Variants in GRIK1 observed in about 807,000 individuals in gnomAD.
GRIK1 encodes glutamate ionotropic receptor kainate type subunit 1.
GRIK1 carries 69 observed loss-of-function variants against 105.7 expected under a neutral mutation model. That is an observed-to-expected ratio of 0.65 (90% CI 0.54 to 0.80). The LOEUF is 0.80. Ranked by LOEUF, GRIK1 falls within the 30% of genes least tolerant of loss-of-function variation. GRIK1 has a pLI of 0.00. For synonymous variants in GRIK1, 438 were observed against 431.3 expected, an observed-to-expected ratio of 1.02 and a Z score of -0.19; for missense variants, 1,109 against 1,167.3, an observed-to-expected ratio of 0.95 and a Z score of 0.73.
chr21:29,832,198 C>T (rs978389821), intron 1 of GRIK1, among the ~76,000 whole-genome samples: 3 of 152,170 alleles, frequency 2.0e-5, no homozygotes, highest in African/African-American at 4.8e-5. Context: ...TATGGATCTG[C>T]AGGGTGCATC....
At position 29,629,476 on chromosome 21, in the gene GRIK1, T is replaced by C. The variant is rs2062212631; in HGVS notation, c.1098+13350A>G. Among the ~76,000 whole-genome samples, 5 of 151,732 alleles carry C rather than the reference T, an allele frequency of 3.3e-5. No individual in the cohort carries two copies. In the South Asian group the frequency reaches 1.0e-3, roughly 32 times the overall value. On this transcript the variant is annotated intron_variant, in intron 7 of 17. Transcript: ENST00000327783. ...GGAAATTGAAGGTGTTCACACCTAC[T>C]AAGTTCAATTTTCTTTCTTTCTTTT...
chr21:29,560,586 T>TTCTTTCTTTCTTTCTTTCTTTCTC (rs1568816039), intron 15 of GRIK1, among the ~76,000 whole-genome samples: 1 of 123,726 alleles, frequency 8.1e-6, no homozygotes, highest in Non-Finnish European at 1.7e-5. Context: ...CTCTCTTTCT[T>TTCTTTCTTTCTTTCTTTCTTTCTC]TCTTTCTCTC....
At chr21:29,659,033 G>A (rs995495722) in intron 4 of GRIK1, among the ~76,000 whole-genome samples, 1 of 152,096 alleles carries the variant, frequency 6.6e-6, no homozygotes, top group Non-Finnish European at 1.5e-5. Context: ...AAAATTACGG[G>A]TCTTCCATTG....
chr21:29,811,295 T>C (rs1414638503), intron 1 of GRIK1, among the ~76,000 whole-genome samples: 1 of 152,132 alleles, frequency 6.6e-6, no homozygotes, highest in African/African-American at 2.4e-5. Flanking sequence ...AAAGTTTAAA[T>C]TATATTTTCA....
At chr21:29,826,277 G>A (rs147775849) in intron 1 of GRIK1, among the ~76,000 whole-genome samples, 14 of 152,160 alleles carry the variant, frequency 9.2e-5, no homozygotes, top group African/African-American at 2.6e-4. Flanking sequence ...TCTCTCAATT[G>A]GCTCAGATCT....
chr21:29,863,079 T>C (rs2068696011), intron 1 of GRIK1, among the ~76,000 whole-genome samples: 1 of 152,252 alleles, frequency 6.6e-6, no homozygotes, highest in South Asian at 2.1e-4. Context: ...TGTGAATCCA[T>C]GTACTCAAAT....
intron 1 of GRIK1, chr21:29,764,074 A>T (rs994164139): frequency 7.2e-5 from 11 of 152,138 alleles, no homozygotes; most frequent in Non-Finnish European, 1.5e-5. Context: ...TGGAGGGAGG[A>T]TAGAATGGGG....
intron 1 of GRIK1, among the ~76,000 whole-genome samples, chr21:29,814,235 G>T (rs1488205956): frequency 1.3e-5 from 2 of 151,624 alleles, no homozygotes; most frequent in African/African-American, 4.8e-5. Context: ...ACAGCCGTGA[G>T]TCACCGTGCC....
intron 14 of GRIK1, 142 bp downstream of exon 14, chr21:29,576,822 T>C (rs1342125847): frequency 4.9e-6 from 3 of 609,340 alleles, no homozygotes; most frequent in African/African-American, 1.8e-5. Context: ...AATGGGATTA[T>C]GTAATTATAA....
At chr21:29,622,120 T>C (rs953315643) in intron 7 of GRIK1, among the ~76,000 whole-genome samples, 1 of 152,056 alleles carries the variant, frequency 6.6e-6, no homozygotes, top group East Asian at 1.9e-4. Flanking sequence ...CTAATTTTTG[T>C]ATTTTTAGTA....
intron 1 of GRIK1, among the ~76,000 whole-genome samples, chr21:29,723,609 A>C (rs1362173855): frequency 6.6e-6 from 1 of 152,240 alleles, no homozygotes; most frequent in Non-Finnish European, 1.5e-5. Flanking sequence ...GTTGATTCAT[A>C]TCAGAGATAT....
intron 1 of GRIK1, among the ~76,000 whole-genome samples, chr21:29,920,260 T>A (rs967185858): frequency 2.0e-5 from 3 of 152,066 alleles, no homozygotes; most frequent in Admixed American, 6.6e-5. Context: ...ACTTGAGGAA[T>A]AGTTTCATTT....
chr21:29,742,306 T>C (rs1392393592), intron 1 of GRIK1, among the ~76,000 whole-genome samples: 1 of 152,150 alleles, frequency 6.6e-6, no homozygotes, highest in Admixed American at 6.5e-5. Flanking sequence ...TTATTAGAAA[T>C]ACATTAAATG....
intron 7 of GRIK1, among the ~76,000 whole-genome samples, chr21:29,629,565 C>T (rs903474037): frequency 1.8e-4 from 28 of 151,782 alleles, no homozygotes; most frequent in Middle Eastern, 3.4e-3. Context: ...TCTCAGCTCA[C>T]TGCAAACTCC....
intron 7 of GRIK1, among the ~76,000 whole-genome samples, chr21:29,617,935 T>A (rs902347696): frequency 3.3e-5 from 5 of 152,218 alleles, no homozygotes; most frequent in Non-Finnish European, 7.3e-5. Flanking sequence ...CATTTGCATA[T>A]CCTTTCCATT....
At chr21:29,855,290 G>T (rs2068430303) in intron 1 of GRIK1, among the ~76,000 whole-genome samples, 1 of 152,100 alleles carries the variant, frequency 6.6e-6, no homozygotes, top group African/African-American at 2.4e-5. Context: ...GAATAATATT[G>T]GTTACATATA....
intron 1 of GRIK1, among the ~76,000 whole-genome samples, chr21:29,845,537 C>T (rs897495254): frequency 1.3e-5 from 2 of 152,072 alleles, no homozygotes; most frequent in Non-Finnish European, 2.9e-5. Context: ...AACTCCCTTC[C>T]TTGTTTTTTT....
chr21:29,686,659 G>A (rs1248473902), intron 3 of GRIK1, among the ~76,000 whole-genome samples: 1 of 152,226 alleles, frequency 6.6e-6, no homozygotes, highest in African/African-American at 2.4e-5. Flanking sequence ...GTGCTTGCTT[G>A]CTACTTTGTC....
chr21:29,880,592 T>C (rs1470665498), intron 1 of GRIK1, among the ~76,000 whole-genome samples: 1 of 152,210 alleles, frequency 6.6e-6, no homozygotes, highest in African/African-American at 2.4e-5. Flanking sequence ...AGTTTATTTC[T>C]GGTTGCTATT....
Sources: gnomAD v4.1 joint callset for allele counts (sites outside exome capture counted in the v4.1 genomes callset) on GRCh38, gnomAD v4.1.1 for gene constraint, MANE v1.5 for transcripts, NCBI Gene and HGNC (gene_info 2026-07-23, HGNC 2026-07-21) for gene names.